TTN: variants seen among roughly 807,000 people sequenced by gnomAD.
TTN encodes the protein connectin.
A neutral mutation model predicts 3,223.0 loss-of-function variants in TTN; 1,525 were observed. The observed-to-expected ratio is 0.47, with a 90% CI of 0.45 to 0.49. TTN has a LOEUF of 0.49. Ranked by LOEUF, TTN falls within the 20% of genes least tolerant of loss-of-function variation. The pLI, the probability that TTN is intolerant of heterozygous loss-of-function variation, is 0.00. For synonymous variants in TTN, 14,094 were observed against 15,161.0 expected, an observed-to-expected ratio of 0.93 and a Z score of 5.17; for missense variants, 40,786 against 43,424.0, an observed-to-expected ratio of 0.94 and a Z score of 5.40.
Position 178,717,160 on chromosome 2 carries a change from T to G in TTN, c.25574A>C (p.Gln8525Pro), listed in dbSNP as rs2077609752. The G allele has an allele frequency of 6.2e-7, 1 of 1,613,514 alleles. No homozygotes were observed. Among genetic ancestry groups the G allele is most frequent in the African/African-American group, 1.3e-5 (1 of 74,920 alleles). The change falls in exon 88 of 363, where the codon CAG becomes CCG. Residue 8525 changes from glutamine (Q) to proline (P), a missense_variant. Coordinates refer to ENST00000589042, the MANE Select transcript of TTN (RefSeq NM_001267550.2). ...GATGTTGCTTGCATAGCAGGTGTAC[T>G]GCCCGGCATCGCCTTTGCCTACTTT... is the stretch of plus-strand genomic sequence containing the variant. Reference protein sequence around the residue: ...VLKVGKGDAGQYTCYASNIAG... With the variant: ...VLKVGKGDAGPYTCYASNIAG...
Position 178,541,305 on chromosome 2 carries a change from G to T in TTN, c.97772C>A (p.Pro32591His). 1.3e-6 allele frequency: 2 copies of T among 1,533,908 alleles called. No homozygotes were observed. Among genetic ancestry groups the T allele is most frequent in the Non-Finnish European group, 1.8e-6 (2 of 1,133,750 alleles). The change falls in exon 350 of 363, where the codon CCC becomes CAC. Residue 32591 changes from proline (P) to histidine (H), a missense_variant. Pro to His is a moderately conservative substitution (Grantham distance 77). Transcript: ENST00000589042. ...GSGKPSRPSK[P>H]IVAMDPIAPP... ...ACCAATTGGATCCATGGCAACGATG[G>T]GTTTGGAAGGACGACTTGGTTTCCC...
chr2:178,564,403 A>G lies in TTN; in HGVS notation c.81729T>C (p.Phe27243=), dbSNP rs542458372. The G allele has an allele frequency of 1.5e-5, 24 of 1,613,482 alleles. No homozygotes were observed. In the South Asian group the frequency reaches 2.2e-4, roughly 15 times the overall value. Residue 27243 remains phenylalanine, a synonymous_variant, in exon 326 of 363, where the codon TTT becomes TTC. Transcript: ENST00000589042. The part of the protein sequence containing the change: ...SGLVEDQRYE[F]RVIARNAAGN... The stretch of plus-strand genomic sequence containing the variant: ...CAGCTGCATTTCTTGCAATTACTCT[A>G]AATTCATATCTTTGGTCTTCTACAA...
At chr2:178,542,031 CTTTCA>C in intron 349 of TTN, 1 of 393,420 alleles carries the variant, frequency 2.5e-6, no homozygotes, top group East Asian at 3.8e-5. Flanking sequence ...CTCCTCTTCT[CTTTCA>C]TAAGAGTGAA....
Position 178,556,948 on chromosome 2 carries a change from C to T in TTN, c.88206G>A (p.Gln29402=). The T allele has an allele frequency of 1.2e-6, 2 of 1,613,808 alleles. No homozygotes were observed. The highest frequency in any genetic ancestry group is 1.7e-6 in the Non-Finnish European group (2 of 1,179,830). The change falls in exon 330 of 363, where the codon CAG becomes CAA. Residue 29402 remains glutamine, a synonymous_variant. Coordinates refer to ENST00000589042, the MANE Select transcript of TTN (RefSeq NM_001267550.2). ...AGACACGGAATTCATACTGGGAATT[C>T]TGAGTCAAGCCAGAGATGATGAATT... is the stretch of plus-strand genomic sequence containing the variant. ...ETQFIISGLT[Q]NSQYEFRVFA...
chr2:178,800,389 A>C lies in TTN; in HGVS notation c.583+6T>G. The C allele has an allele frequency of 6.2e-7, 1 of 1,614,080 alleles. No individual in the cohort carries two copies. Among genetic ancestry groups the C allele is most frequent in the Non-Finnish European group, 8.5e-7 (1 of 1,179,980 alleles). ...TTCTCTCTGTTCCTCAACCTCCAGC[A>C]CGTACCTTGAACCAGTAATTCAGCA... On this transcript the variant is annotated splice_donor_region_variant and intron_variant, in intron 4 of 362. Coordinates refer to ENST00000589042, the MANE Select transcript of TTN (RefSeq NM_001267550.2).
Position 178,599,646 on chromosome 2 carries a change from G to A in TTN, c.56255C>T (p.Pro18752Leu), listed in dbSNP as rs200132226. Residue 18752 changes from proline (P) to leucine (L), a missense_variant, in exon 289 of 363, where the codon CCG (proline) becomes CTG (leucine). Physicochemically the swap from Pro to Leu is moderately conservative, Grantham distance 98. Coordinates refer to ENST00000589042, the MANE Select transcript of TTN (RefSeq NM_001267550.2). ...VVDDTCTLVI[P>L]QSRRSDTGLY... Reference sequence around the variant, plus strand: ...GCCAGTGTCACTCCTGCGAGACTGCGGAATAACTAAAGTGCAAGTATCATC... The same window carrying A: ...GCCAGTGTCACTCCTGCGAGACTGCAGAATAACTAAAGTGCAAGTATCATC... 322 of 1,612,614 alleles carry A rather than the reference G, an allele frequency of 2.0e-4. No individual in the cohort carries two copies. The highest frequency in any genetic ancestry group is 2.6e-4 in the Non-Finnish European group (304 of 1,179,280).
intron 339 of TTN, 48 bp from the exon 340 acceptor site, chr2:178,547,353 C>A: frequency 5.7e-6 from 9 of 1,571,730 alleles, no homozygotes; most frequent in Non-Finnish European, 7.7e-6. Flanking sequence ...TTATAAAATT[C>A]AGGGGAAACA....
In TTN at chr2:178,733,350, C is replaced by T; in HGVS notation, c.15943G>A (p.Val5315Ile). ...GCTGAATAAAATTTGAGCTGGGCAA[C>T]ATTGTTTTTAAAACTTATTCGGTAT... ...KKYRISFKNN[V>I]AQLKFYSAEL... Residue 5315 changes from valine to isoleucine, a missense_variant, in exon 54 of 363, where the codon GTT becomes ATT. Coordinates refer to ENST00000589042, the MANE Select transcript of TTN (RefSeq NM_001267550.2). 6.2e-7 allele frequency: 1 copy of T among 1,613,794 alleles called. No individual in the cohort carries two copies. Among genetic ancestry groups the T allele is most frequent in the Non-Finnish European group, 8.5e-7 (1 of 1,179,792 alleles).
intron 1 of TTN, among the ~76,000 whole-genome samples, chr2:178,806,176 A>G (rs866002422): frequency 6.6e-6 from 1 of 152,212 alleles, no homozygotes; most frequent in Admixed American, 6.5e-5. Context: ...GAAAAATCAG[A>G]TAATATCCAA....
chr2:178,695,060 G>A lies in TTN; in HGVS notation c.31271-154C>T, dbSNP rs997646505. Among the ~76,000 whole-genome samples, 13 of 151,568 alleles carry A rather than the reference G, an allele frequency of 8.6e-5. No individual in the cohort carries two copies. The South Asian group carries it at 1.7e-3, about 19-fold the overall frequency. On this transcript the variant is annotated intron_variant, in intron 115 of 362. Transcript: ENST00000589042. Reference sequence around the variant, plus strand: ...ATTTTTTAAAGAGAGAGATGAGTTCGGTTTTTTTTTCTTTGACCTTTACGC... The same window carrying A: ...ATTTTTTAAAGAGAGAGATGAGTTCAGTTTTTTTTTCTTTGACCTTTACGC...
In TTN at chr2:178,611,541, A is replaced by C; in HGVS notation, c.50688T>G (p.Thr16896=). Reference sequence around the variant, plus strand: ...GAGAATTAACTCTCATCCATTTCTCAGTGCCTACTGGACACATTTCAACAT... The same window carrying C: ...GAGAATTAACTCTCATCCATTTCTCCGTGCCTACTGGACACATTTCAACAT... ...GYHVEMCPVG[T]EKWMRVNSRP... Residue 16896 remains threonine, a synonymous_variant, in exon 269 of 363, where the codon ACT becomes ACG. Coordinates refer to ENST00000589042, the MANE Select transcript of TTN (RefSeq NM_001267550.2). 6.2e-7 allele frequency: 1 copy of C among 1,613,072 alleles called. No individual in the cohort carries two copies. The highest frequency in any genetic ancestry group is 8.5e-7 in the Non-Finnish European group (1 of 1,179,324).
chr2:178,728,440 T>C (rs1240672061), intron 66 of TTN, 43 bp from the exon 67 acceptor site: 1 of 1,580,548 alleles, frequency 6.3e-7, no homozygotes, highest in East Asian at 2.3e-5. Context: ...AATCTCTTGC[T>C]ATTTGTTTAC....
Position 178,537,909 on chromosome 2 carries a change from C to A in TTN, c.99298G>T (p.Ala33100Ser). The A allele has an allele frequency of 6.2e-7, 1 of 1,607,130 alleles. No individual in the cohort carries two copies. Among genetic ancestry groups the A allele is most frequent in the South Asian group, 1.1e-5 (1 of 90,344 alleles). ...SIKTKLTSGE[A>S]PGIRKEMKDV... ...TTCATTTCTTTGCGTATTCCTGGGGCCTCTCCAGCTGAACAATATGAAAGA... is the reference window on the plus strand; with the variant it reads ...TTCATTTCTTTGCGTATTCCTGGGGACTCTCCAGCTGAACAATATGAAAGA... The change falls in exon 355 of 363, where the codon GCC becomes TCC. Residue 33100 changes from alanine (A) to serine (S), a missense_variant. By Grantham distance (99) the Ala-to-Ser change is moderately conservative. Transcript: ENST00000589042.
chr2:178,550,891 C>T, intron 336 of TTN, 76 bp downstream of exon 336: 2 of 1,390,210 alleles, frequency 1.4e-6, no homozygotes, highest in South Asian at 1.3e-5. Context: ...TACCATTTTA[C>T]AGGCCAGGGG....
intron 165 of TTN, 145 bp downstream of exon 165, chr2:178,665,232 G>A (rs186517179): frequency 1.2e-6 from 1 of 841,330 alleles, no homozygotes; most frequent in Admixed American, 2.8e-5. Context: ...TCTTTTTAGA[G>A]GAAACTTCCT....
At chr2:178,715,802 G>C in intron 88 of TTN, 28 bp from the exon 89 acceptor site, 1 of 1,552,468 alleles carries the variant, frequency 6.4e-7, no homozygotes, top group Non-Finnish European at 8.7e-7. Flanking sequence ...AAAACACAGG[G>C]TAAGGGATGG....
chr2:178,647,533 A>G, intron 213 of TTN, 69 bp from the exon 214 acceptor site: 1 of 1,463,628 alleles, frequency 6.8e-7, no homozygotes, highest in Non-Finnish European at 9.3e-7. Context: ...AAGAGCAGGC[A>G]AAGAATGCAG....
At position 178,566,864 on chromosome 2, in the gene TTN, A is replaced by G. The variant is rs576203363; in HGVS notation, c.79268T>C (p.Val26423Ala). ...AATGCCACTTCTGTCTCTTTTCTCTACAATGTAACCAATAATCTCACTTCC... is the reference window on the plus strand; with the variant it reads ...AATGCCACTTCTGTCTCTTTTCTCTGCAATGTAACCAATAATCTCACTTCC... ...DGGSEIIGYI[V>A]EKRDRSGIRW... is the part of the protein sequence containing the mutation. Residue 26423 changes from valine to alanine, a missense_variant, in exon 326 of 363, where the codon GTA becomes GCA. Coordinates refer to ENST00000589042, the MANE Select transcript of TTN (RefSeq NM_001267550.2). 8 of 1,613,448 alleles carry G rather than the reference A, an allele frequency of 5.0e-6. No individual in the cohort carries two copies. Among genetic ancestry groups the G allele is most frequent in the South Asian group, 2.2e-5 (2 of 91,070 alleles).
At chr2:178,724,590 C>T in intron 71 of TTN, 52 bp from the exon 72 acceptor site, 1 of 1,511,086 alleles carries the variant, frequency 6.6e-7, no homozygotes, top group Admixed American at 2.2e-5. Flanking sequence ...TTTACTCTGT[C>T]TCTACTATCA....
Sources: gnomAD v4.1 joint callset for allele counts (sites outside exome capture counted in the v4.1 genomes callset) on GRCh38, gnomAD v4.1.1 for gene constraint, MANE v1.5 for transcripts, NCBI Gene and HGNC (gene_info 2026-07-23, HGNC 2026-07-21) for gene names.